Variants in IL1RAPL2 observed in about 807,000 individuals in gnomAD.
IL1RAPL2 encodes the protein interleukin 1 receptor accessory protein like 2.
IL1RAPL2 carries 3 observed loss-of-function variants against 44.1 expected under a neutral mutation model. That is an observed-to-expected ratio of 0.07 (90% confidence interval 0.03 to 0.18). The LOEUF (loss-of-function observed/expected upper bound fraction) is 0.18, where lower values mean the gene tolerates loss of function less well. Among genes scored for constraint, IL1RAPL2 ranks in the 10% least tolerant of loss-of-function variants. The pLI is 1.00. For missense variants in IL1RAPL2, 391 were observed against 496.4 expected, an observed-to-expected ratio of 0.79 and a Z score of 2.02; for synonymous variants, 181 against 178.8, an observed-to-expected ratio of 1.01 and a Z score of -0.10.
chrX:105,081,996 A>C (rs774553402), intron 2 of IL1RAPL2, among the ~76,000 whole-genome samples: 26 of 111,890 alleles, frequency 2.3e-4, no homozygotes, highest in African/African-American at 8.1e-4. Flanking sequence ...TCATAAAATG[A>C]GTTAGGGAGG....
intron 2 of IL1RAPL2, among the ~76,000 whole-genome samples, chrX:104,787,731 A>G (rs778598368): frequency 8.9e-6 from 1 of 111,934 alleles, no homozygotes; most frequent in Non-Finnish European, 1.9e-5. Context: ...AAACTTGGGC[A>G]TACATTAAAA....
At position 104,582,596 on chromosome X, in the gene IL1RAPL2, T is replaced by TTCTTTCTTTTTC. The variant is rs1387907561; in HGVS notation, c.-20+15546_-20+15547insCTTTCTTTTTCT. Among the ~76,000 whole-genome samples, 9 of 52,193 alleles carry TTCTTTCTTTTTC rather than the reference T, an allele frequency of 1.7e-4. No homozygotes were observed. The East Asian group carries it at 2.2e-3, about 13-fold the overall frequency. The allele number at this position is 52,193 out of a possible 115,157, so 45.3% of individuals were successfully genotyped here. A position where few individuals can be genotyped will look rare whatever the true frequency, so the allele number is the denominator to read the frequency against. On this transcript the variant is annotated intron_variant, in intron 1 of 10. Transcript: ENST00000372582. Reference sequence around the variant, plus strand: ...TCTTTCTTTTTCTTTCTTTCTTTCTTTTTCTTTCTTTCTTTCTTTCTTTCT... The same window carrying TTCTTTCTTTTTC: ...TCTTTCTTTTTCTTTCTTTCTTTCTTTCTTTCTTTTTCTTTCTTTCTTTCTTTCTTTCTTTCT...
chrX:104,749,113 A>T (rs189333163), intron 2 of IL1RAPL2, among the ~76,000 whole-genome samples: 368 of 111,556 alleles, frequency 3.3e-3, no homozygotes, highest in Non-Finnish European at 5.3e-3. Context: ...GTGTGGGTAG[A>T]AGATATAGAG....
chrX:104,705,061 G>A (rs186344575), intron 2 of IL1RAPL2, among the ~76,000 whole-genome samples: 2 of 111,751 alleles, frequency 1.8e-5, no homozygotes, highest in South Asian at 7.6e-4. Flanking sequence ...GGAGGAGAAG[G>A]TATGCTGGGA....
intron 3 of IL1RAPL2, among the ~76,000 whole-genome samples, chrX:105,227,982 T>C (rs782357739): frequency 8.9e-6 from 1 of 111,821 alleles, no homozygotes; most frequent in Non-Finnish European, 1.9e-5. Flanking sequence ...TTTCTAATGA[T>C]TTTTGAGAAA....
intron 2 of IL1RAPL2, among the ~76,000 whole-genome samples, chrX:104,906,665 C>G (rs1267555722): frequency 1.8e-5 from 2 of 111,723 alleles, no homozygotes; most frequent in Admixed American, 1.9e-4. Context: ...CCCACTTGAT[C>G]ATGGTGGATA....
At chrX:104,874,203 A>G (rs148808025) in intron 2 of IL1RAPL2, among the ~76,000 whole-genome samples, 1 of 109,203 alleles carries the variant, frequency 9.2e-6, no homozygotes, top group Admixed American at 9.8e-5. Context: ...TCTAAATCAA[A>G]GTTCTTTCCC....
chrX:104,752,278 A>AGT lies in IL1RAPL2; in HGVS notation c.82+93284_82+93285insTG, dbSNP rs200604065. 6.6e-3 allele frequency among the ~76,000 whole-genome samples: 695 copies of AGT among 105,505 alleles called. 3 individuals carry two copies. Among genetic ancestry groups the AGT allele is most frequent in the African/African-American group, 0.024 (663 of 27,186 alleles). 91.6% of individuals were successfully genotyped at this position (105,505 alleles called of 115,157 possible). On this transcript the variant is annotated intron_variant, in intron 2 of 10. Coordinates refer to ENST00000372582, the MANE Select transcript of IL1RAPL2 (RefSeq NM_017416.2). ...TGGTGGTGGTGGTAATGTTGGCGTG[A>AGT]GAGTGTGTGTGTGTGTGTGTGTGAG...
At position 105,546,328 on chromosome X, in the gene IL1RAPL2, G is replaced by A. The variant is rs191127778; in HGVS notation, c.772+61941G>A. Among the ~76,000 whole-genome samples the A allele has an allele frequency of 1.4e-4, 16 of 111,135 alleles. No individual in the cohort carries two copies. The East Asian group carries it at 4.5e-3, about 31-fold the overall frequency. ...CAGAACCTAATATGTACCATCTTTC[G>A]ATCTAATATCCCAAGTAACATTATT... is the stretch of plus-strand genomic sequence containing the variant. On this transcript the variant is annotated intron_variant, in intron 6 of 10. Transcript: ENST00000372582.
intron 2 of IL1RAPL2, among the ~76,000 whole-genome samples, chrX:104,695,952 C>T (rs779957414): frequency 1.4e-4 from 16 of 111,023 alleles, no homozygotes; most frequent in African/African-American, 3.9e-4. Flanking sequence ...GGATTACAGG[C>T]GCCCGCCACC....
intron 2 of IL1RAPL2, among the ~76,000 whole-genome samples, chrX:105,027,968 A>G (rs1044575003): frequency 8.9e-6 from 1 of 112,112 alleles, no homozygotes; most frequent in Non-Finnish European, 1.9e-5. Flanking sequence ...AAAATGTGGC[A>G]CATATACACA....
At chrX:104,856,160 G>A (rs1313150150) in intron 2 of IL1RAPL2, among the ~76,000 whole-genome samples, 1 of 111,804 alleles carries the variant, frequency 8.9e-6, no homozygotes, top group Non-Finnish European at 1.9e-5. Flanking sequence ...TCATTCACAC[G>A]ATTTTGGAAT....
chrX:105,074,216 G>A (rs2032253924), intron 2 of IL1RAPL2, among the ~76,000 whole-genome samples: 1 of 111,713 alleles, frequency 9.0e-6, no homozygotes, highest in Non-Finnish European at 1.9e-5. Flanking sequence ...ATTAATTTTT[G>A]TATAAGGTGT....
At chrX:104,983,647 ATAT>A (rs1387329821) in intron 2 of IL1RAPL2, among the ~76,000 whole-genome samples, 178 of 98,843 alleles carry the variant, frequency 1.8e-3, no homozygotes, top group Non-Finnish European at 2.5e-3. Flanking sequence ...TATACATATA[ATAT>A]TATGTACATA....
At chrX:105,679,286 C>G (rs1602517779) in intron 6 of IL1RAPL2, among the ~76,000 whole-genome samples, 1 of 111,632 alleles carries the variant, frequency 9.0e-6, no homozygotes, top group African/African-American at 3.2e-5. Flanking sequence ...ATAACTAGCT[C>G]TATGATTTAA....
chrX:105,554,417 T>C (rs966349467), intron 6 of IL1RAPL2, among the ~76,000 whole-genome samples: 9 of 112,133 alleles, frequency 8.0e-5, no homozygotes, highest in African/African-American at 2.9e-4. Context: ...GTATTCTTTG[T>C]GGTTATTCTA....
At chrX:105,410,868 C>A (rs1230402314) in intron 5 of IL1RAPL2, among the ~76,000 whole-genome samples, 1 of 111,600 alleles carries the variant, frequency 9.0e-6, no homozygotes, top group Non-Finnish European at 1.9e-5. Context: ...CAAAATCACA[C>A]TCAGAATACC....
At chrX:105,492,574 ATAAT>A (rs1185028954) in intron 6 of IL1RAPL2, among the ~76,000 whole-genome samples, 1 of 109,700 alleles carries the variant, frequency 9.1e-6, no homozygotes, top group African/African-American at 3.3e-5. Context: ...ACTACTAATA[ATAAT>A]TATTATTATT....
intron 2 of IL1RAPL2, among the ~76,000 whole-genome samples, chrX:105,051,747 C>T (rs2031929201): frequency 8.9e-6 from 1 of 112,736 alleles, no homozygotes; most frequent in Non-Finnish European, 1.9e-5. Context: ...GGTGTGATGG[C>T]AGCAGCCACT....
Sources: allele counts gnomAD v4.1 joint callset (sites outside exome capture counted in the v4.1 genomes callset), GRCh38; gene constraint gnomAD v4.1.1; transcripts MANE v1.5; gene names NCBI Gene and HGNC (gene_info 2026-07-23, HGNC 2026-07-21).